Variants in KCTD8 observed in about 807,000 individuals in gnomAD.
KCTD8 encodes the protein BTB/POZ domain-containing protein KCTD8.
A neutral mutation model predicts 31.5 loss-of-function variants in KCTD8; 27 were observed. The observed-to-expected ratio is 0.86, with a 90% confidence interval of 0.63 to 1.18. The LOEUF (loss-of-function observed/expected upper bound fraction) is 1.18. KCTD8 is among the 50% of genes most tolerant of loss of function. KCTD8 has a pLI of 0.00. For missense variants in KCTD8, 658 were observed against 647.7 expected (o/e 1.02, Z -0.17); for synonymous variants, 290 against 280.0 (o/e 1.04, Z -0.36).
At chr4:44,252,730 G>C (rs1350200600) in intron 1 of KCTD8, among the ~76,000 whole-genome samples, 1 of 151,438 alleles carries the variant, frequency 6.6e-6, no homozygotes, top group Non-Finnish European at 1.5e-5. Flanking sequence ...TACACTCTTG[G>C]ATTGATGTTG....
At chr4:44,440,259 G>C (rs1721784499) in intron 1 of KCTD8, among the ~76,000 whole-genome samples, 1 of 152,050 alleles carries the variant, frequency 6.6e-6, no homozygotes, top group Non-Finnish European at 1.5e-5. Context: ...ATATAAAGAA[G>C]TGTGTGTGTG....
At chr4:44,340,420 T>G (rs2109418216) in intron 1 of KCTD8, among the ~76,000 whole-genome samples, 1 of 151,412 alleles carries the variant, frequency 6.6e-6, no homozygotes, top group African/African-American at 2.4e-5. Flanking sequence ...TGCCTCAGTC[T>G]CCCGAGTAGC....
rs887053589 is a variant in KCTD8, at chr4:44,319,882, A to G, written c.961+127681T>C. Among the ~76,000 whole-genome samples, 13 of 152,032 alleles carry G rather than the reference A, an allele frequency of 8.6e-5. 1 individual carries two copies. On this transcript the variant is annotated intron_variant, in intron 1 of 1. Transcript: ENST00000360029. Reference sequence around the variant, plus strand: ...TGAGAAAGGAGCCATTATAGAACTGAGATTCTAGGCCGGGCGCAGTGGCTC... The same window carrying G: ...TGAGAAAGGAGCCATTATAGAACTGGGATTCTAGGCCGGGCGCAGTGGCTC...
intron 1 of KCTD8, among the ~76,000 whole-genome samples, chr4:44,278,625 T>C (rs2109377117): frequency 6.6e-6 from 1 of 152,138 alleles, no homozygotes; most frequent in South Asian, 2.1e-4. Context: ...ACTTTAAAAT[T>C]TTGTAGACTT....
In KCTD8 at chr4:44,363,716, T is replaced by G. The variant is rs367618845; in HGVS notation, c.961+83847A>C. On this transcript the variant is annotated intron_variant, in intron 1 of 1. Coordinates refer to ENST00000360029, the MANE Select transcript of KCTD8 (RefSeq NM_198353.3). ...CCTGGTATACACACAGTAGTCACTT[T>G]TATTGCTTTCATGTAGACTACTCAG... 1.2e-4 allele frequency among the ~76,000 whole-genome samples: 18 copies of G among 152,228 alleles called. No homozygotes were observed. In the East Asian group the frequency reaches 3.5e-3, roughly 29 times the overall value.
chr4:44,431,311 T>C (rs1178743735), intron 1 of KCTD8, among the ~76,000 whole-genome samples: 1 of 151,578 alleles, frequency 6.6e-6, no homozygotes, highest in Admixed American at 6.6e-5. Context: ...CCAAAGGCCT[T>C]TCTTGTTACA....
intron 1 of KCTD8, among the ~76,000 whole-genome samples, chr4:44,404,926 C>A (rs1043832819): frequency 1.3e-5 from 2 of 152,078 alleles, no homozygotes; most frequent in Admixed American, 6.5e-5. Flanking sequence ...TCACAGTTCA[C>A]CTTCATTAGC....
chr4:44,211,432 T>G (rs187660015), intron 1 of KCTD8, among the ~76,000 whole-genome samples: 1 of 152,230 alleles, frequency 6.6e-6, no homozygotes, highest in Non-Finnish European at 1.5e-5. Context: ...ATAAAAATGC[T>G]GTTACAACTC....
chr4:44,363,181 T>C (rs1719544229), intron 1 of KCTD8, among the ~76,000 whole-genome samples: 2 of 152,158 alleles, frequency 1.3e-5, no homozygotes, highest in South Asian at 2.1e-4. Context: ...CCTGTCACTA[T>C]GGTATCAAAT....
At chr4:44,269,060 CA>C (rs1376677921) in intron 1 of KCTD8, among the ~76,000 whole-genome samples, 1 of 151,942 alleles carries the variant, frequency 6.6e-6, no homozygotes, top group Non-Finnish European at 1.5e-5. Flanking sequence ...CATATGGAAC[CA>C]AAAAAGAGCC....
At position 44,238,424 on chromosome 4, in the gene KCTD8, T is replaced by A. The variant is rs531666062; in HGVS notation, c.962-63174A>T. Among the ~76,000 whole-genome samples, 3 of 152,288 alleles carry A rather than the reference T, an allele frequency of 2.0e-5. No individual in the cohort carries two copies. The South Asian group carries it at 6.2e-4, about 32-fold the overall frequency. On this transcript the variant is annotated intron_variant, in intron 1 of 1. Coordinates refer to ENST00000360029, the MANE Select transcript of KCTD8 (RefSeq NM_198353.3). ...TATTTTAATCCAGACTGTAGCTTCA[T>A]GAAAGTAGAGACTACATGTAATTTT...
In KCTD8 at chr4:44,291,960, G is replaced by GA. The variant is rs571458412; in HGVS notation, c.962-116711dup. 9.1e-3 allele frequency among the ~76,000 whole-genome samples: 800 copies of GA among 88,320 alleles called. 18 individuals are homozygous for GA. Among genetic ancestry groups the GA allele is most frequent in the East Asian group, 0.053 (149 of 2,814 alleles). The allele number at this position is 88,320 out of a possible 152,430, so 57.9% of individuals were successfully genotyped here. On this transcript the variant is annotated intron_variant, in intron 1 of 1. Coordinates refer to ENST00000360029, the MANE Select transcript of KCTD8 (RefSeq NM_198353.3). ...TCACACCAGTCAGATTGGCTATTAT[G>GA]AAAAAAAAAAAAAAAAAAAAAAACA...
intron 1 of KCTD8, among the ~76,000 whole-genome samples, chr4:44,274,079 T>C (rs1011224737): frequency 6.6e-6 from 1 of 151,954 alleles, no homozygotes; most frequent in Non-Finnish European, 1.5e-5. Context: ...ACTCTACAGA[T>C]AGTTTTAATA....
At chr4:44,378,052 T>C (rs1159654673) in intron 1 of KCTD8, among the ~76,000 whole-genome samples, 1 of 151,724 alleles carries the variant, frequency 6.6e-6, no homozygotes, top group Non-Finnish European at 1.5e-5. Context: ...AAAAAGAATG[T>C]GTTTCTTGTA....
rs1252246927 is a variant in KCTD8 at position 44,272,540 on chromosome 4, T to A, written c.962-97290A>T. Among the ~76,000 whole-genome samples, 3 of 152,114 alleles carry A rather than the reference T, an allele frequency of 2.0e-5. No homozygotes were observed. In the South Asian group the frequency reaches 6.2e-4, roughly 31 times the overall value. On this transcript the variant is annotated intron_variant, in intron 1 of 1. Coordinates refer to ENST00000360029, the MANE Select transcript of KCTD8 (RefSeq NM_198353.3). ...TGTACTTAAGTTTTTGAAAAAATTATAATCTATTCAGGAAAATATTTTAAC... is the reference window on the plus strand; with the variant it reads ...TGTACTTAAGTTTTTGAAAAAATTAAAATCTATTCAGGAAAATATTTTAAC...
At chr4:44,317,103 C>A (rs1169953228) in intron 1 of KCTD8, among the ~76,000 whole-genome samples, 1 of 151,472 alleles carries the variant, frequency 6.6e-6, no homozygotes, top group African/African-American at 2.4e-5. Flanking sequence ...CTGTATGAAG[C>A]TATGTTTCCT....
At chr4:44,247,845 T>A (rs1322764254) in intron 1 of KCTD8, among the ~76,000 whole-genome samples, 2 of 151,934 alleles carry the variant, frequency 1.3e-5, no homozygotes, top group African/African-American at 4.8e-5. Context: ...TCTCACATTT[T>A]CATCCATTCA....
At chr4:44,200,341 G>T (rs1452683880) in intron 1 of KCTD8, among the ~76,000 whole-genome samples, 1 of 150,958 alleles carries the variant, frequency 6.6e-6, no homozygotes, top group Non-Finnish European at 1.5e-5. Context: ...TGAAAATCTG[G>T]CAGACACAAT....
chr4:44,275,751 G>C (rs1716733441), intron 1 of KCTD8, among the ~76,000 whole-genome samples: 1 of 151,984 alleles, frequency 6.6e-6, no homozygotes. Context: ...GTTACATTTT[G>C]CATGCCCATG....
Sources: gnomAD v4.1 joint callset for allele counts (sites outside exome capture counted in the v4.1 genomes callset) on GRCh38, gnomAD v4.1.1 for gene constraint, MANE v1.5 for transcripts, NCBI Gene and HGNC (gene_info 2026-07-23, HGNC 2026-07-21) for gene names.